KDM4B: variants seen among roughly 807,000 people sequenced by gnomAD.
KDM4B encodes lysine demethylase 4B, also known as lysine-specific demethylase 4B.
A neutral mutation model predicts 125.2 loss-of-function variants in KDM4B; 32 were observed. The ratio of observed to expected loss-of-function variants is 0.26; its 90% CI spans 0.19 to 0.34. KDM4B has a LOEUF of 0.34. KDM4B is among the 10% of genes least tolerant of loss of function. KDM4B has a pLI of 1.00. For synonymous variants in KDM4B, 721 were observed against 677.9 expected (o/e 1.06, Z -0.99); for missense variants, 1,190 against 1,577.7 (o/e 0.75, Z 4.16).
At chr19:5,089,925 A>G (rs566384456) in intron 9 of KDM4B, among the ~76,000 whole-genome samples, 6 of 152,280 alleles carry the variant, frequency 3.9e-5, no homozygotes, top group African/African-American at 1.4e-4. Flanking sequence ...TAATCCCAGC[A>G]TTTAGGGAGG....
At position 5,035,880 on chromosome 19, in the gene KDM4B, T is replaced by TGTGTGTGTGTGTGTGTGTGTGTGTGCGC. The variant is rs58219404; in HGVS notation, c.141+2850_141+2851insTGTGTGTGTGTGTGTGTGTGTGTGCGCG. Among the ~76,000 whole-genome samples, 39 of 136,492 alleles carry TGTGTGTGTGTGTGTGTGTGTGTGTGCGC rather than the reference T, an allele frequency of 2.9e-4. No homozygotes were observed. Among genetic ancestry groups the TGTGTGTGTGTGTGTGTGTGTGTGTGCGC allele is most frequent in the African/African-American group, 1.0e-3 (39 of 37,892 alleles). 89.5% of individuals were successfully genotyped at this position (136,492 alleles called of 152,430 possible). ...ACGTGTCTCTGTGTGTGTGTGTGTG[T>TGTGTGTGTGTGTGTGTGTGTGTGTGCGC]GCGCGCGCGCGCGCGCCTGCGCGCA... On this transcript the variant is annotated intron_variant, in intron 3 of 22. Coordinates refer to ENST00000159111, the MANE Select transcript of KDM4B (RefSeq NM_015015.3). This position sits in a 1 kb window ranked among gnomAD's most constrained non-coding sequence, Gnocchi z 5.3.
intron 11 of KDM4B, among the ~76,000 whole-genome samples, chr19:5,130,758 C>T (rs570912769): frequency 7.2e-5 from 11 of 152,338 alleles, no homozygotes; most frequent in African/African-American, 1.7e-4. Flanking sequence ...GGTTTGGTGA[C>T]GCGTCTCCTC....
At chr19:4,988,764 C>G (rs934861348) in intron 1 of KDM4B, among the ~76,000 whole-genome samples, 8 of 152,186 alleles carry the variant, frequency 5.3e-5, no homozygotes, top group African/African-American at 1.9e-4. Context: ...TCTCCAGGAA[C>G]CTCCACGCAT....
rs569216063 is a variant in KDM4B, at chr19:5,120,896, G to A, written c.1315+1044G>A. Among the ~76,000 whole-genome samples the A allele has an allele frequency of 2.7e-3, 411 of 152,280 alleles. 5 individuals carry two copies. Among genetic ancestry groups the A allele is most frequent in the Non-Finnish European group, 4.1e-3 (278 of 68,020 alleles). On this transcript the variant is annotated intron_variant, in intron 11 of 22. Transcript: ENST00000159111. ...GGCCCAGGTCATGGGGGCCACATTCGCCGGAGGGTCCTAGTCCTCAGTTTC... is the reference window on the plus strand; with the variant it reads ...GGCCCAGGTCATGGGGGCCACATTCACCGGAGGGTCCTAGTCCTCAGTTTC...
Position 5,082,624 on chromosome 19 carries a change from T to G in KDM4B, c.918+120T>G. 1 of 1,122,098 alleles carries G rather than the reference T, an allele frequency of 8.9e-7. No individual in the cohort carries two copies. Among genetic ancestry groups the G allele is most frequent in the Non-Finnish European group, 1.2e-6 (1 of 811,536 alleles). The allele number at this position is 1,122,098 out of a possible 1,614,324, so 69.5% of individuals were successfully genotyped here. A position where few individuals can be genotyped will look rare whatever the true frequency, so the allele number is the denominator to read the frequency against. ...GTTTCGCTCAGCCCAGGGCCTGGGC[T>G]CTCAACCAGGGTCTGATTCTGGGCT... On this transcript the variant is annotated intron_variant, in intron 9 of 22. Coordinates refer to ENST00000159111, the MANE Select transcript of KDM4B (RefSeq NM_015015.3). This position sits in a 1 kb window ranked among gnomAD's most constrained non-coding sequence, Gnocchi z 5.4.
intron 9 of KDM4B, among the ~76,000 whole-genome samples, chr19:5,098,724 C>T (rs564905605): frequency 6.6e-6 from 1 of 152,176 alleles, no homozygotes; most frequent in Admixed American, 6.5e-5. Flanking sequence ...GATCAGTGCC[C>T]TTATGAAAGA....
In KDM4B at chr19:5,144,810, C is replaced by G; in HGVS notation, c.2929C>G (p.Pro977Ala). The part of the protein sequence containing the change: ...TSRDCVQLGP[P>A]SEGELVELRW... ...TAGGGACTGTGTCCAGCTGGGACCCCCTTCCGAGGGGGAGCTGGTGGAGCT... is the reference window on the plus strand; with the variant it reads ...TAGGGACTGTGTCCAGCTGGGACCCGCTTCCGAGGGGGAGCTGGTGGAGCT... Residue 977 changes from proline to alanine, a missense_variant, in exon 21 of 23, where the codon CCT (proline) becomes GCT (alanine). This residue lies in a region of KDM4B where 298 missense variants were observed against 439.7 expected (regional missense o/e 0.68). Coordinates refer to ENST00000159111, the MANE Select transcript of KDM4B (RefSeq NM_015015.3). 6.2e-7 allele frequency: 1 copy of G among 1,613,474 alleles called. No homozygotes were observed. The highest frequency in any genetic ancestry group is 8.5e-7 in the Non-Finnish European group (1 of 1,179,918).
At chr19:5,051,167 G>T (rs2037211088) in intron 6 of KDM4B, among the ~76,000 whole-genome samples, 1 of 152,250 alleles carries the variant, frequency 6.6e-6, no homozygotes, top group Non-Finnish European at 1.5e-5. Context: ...TCCAGGCCGG[G>T]GTGGGAGGAT....
chr19:4,977,328 C>T (rs1241953708), intron 1 of KDM4B, among the ~76,000 whole-genome samples: 2 of 152,226 alleles, frequency 1.3e-5, no homozygotes, highest in Admixed American at 6.5e-5. Context: ...CTCAAGACCC[C>T]GAGGGCTCTC....
In KDM4B at chr19:5,041,082, G is replaced by T. The variant is rs1301633085; in HGVS notation, c.318-55G>T. ...CTGGGTTCCAGGTGGCTGAGGGTGGGCTGCGTAGCACCCAGGCCTCACCCT... is the reference window on the plus strand; with the variant it reads ...CTGGGTTCCAGGTGGCTGAGGGTGGTCTGCGTAGCACCCAGGCCTCACCCT... On this transcript the variant is annotated intron_variant, in intron 4 of 22. Coordinates refer to ENST00000159111, the MANE Select transcript of KDM4B (RefSeq NM_015015.3). 3 of 1,228,298 alleles carry T rather than the reference G, an allele frequency of 2.4e-6. No homozygotes were observed. In the African/African-American group the frequency reaches 4.5e-5, roughly 19 times the overall value. The allele number at this position is 1,228,298 out of a possible 1,614,324, so 76.1% of individuals were successfully genotyped here. A position where few individuals can be genotyped will look rare whatever the true frequency, so the allele number is the denominator to read the frequency against.
At chr19:5,063,478 G>T (rs1320138998) in intron 6 of KDM4B, among the ~76,000 whole-genome samples, 1 of 152,190 alleles carries the variant, frequency 6.6e-6, no homozygotes, top group Non-Finnish European at 1.5e-5. Flanking sequence ...AGGTCATCGG[G>T]CAGGATTCAT....
At position 5,107,568 on chromosome 19, in the gene KDM4B, C is replaced by T. The variant is rs1299383515; in HGVS notation, c.919-3054C>T. 5.3e-5 allele frequency among the ~76,000 whole-genome samples: 8 copies of T among 152,224 alleles called. No homozygotes were observed. The East Asian group carries it at 5.8e-4, about 11-fold the overall frequency. ...GAGGACTCTGTGGTGAGGCTCCCTC[C>T]GGCCTGCTCTGAACCCTTCCCAGCT... On this transcript the variant is annotated intron_variant, in intron 9 of 22. Coordinates refer to ENST00000159111, the MANE Select transcript of KDM4B (RefSeq NM_015015.3).
At position 5,103,959 on chromosome 19, in the gene KDM4B, G is replaced by A. The variant is rs190336867; in HGVS notation, c.919-6663G>A. Reference sequence around the variant, plus strand: ...GCCAGCCACCTTCTGAGTAGCTTCCGAGCTCCTGAGGCTTGGCCACCCGCA... The same window carrying A: ...GCCAGCCACCTTCTGAGTAGCTTCCAAGCTCCTGAGGCTTGGCCACCCGCA... On this transcript the variant is annotated intron_variant, in intron 9 of 22. Coordinates refer to ENST00000159111, the MANE Select transcript of KDM4B (RefSeq NM_015015.3). Among the ~76,000 whole-genome samples the A allele has an allele frequency of 1.1e-4, 16 of 152,322 alleles. No homozygotes were observed. The East Asian group carries it at 2.9e-3, about 28-fold the overall frequency.
chr19:5,027,535 CTCT>C, intron 2 of KDM4B, among the ~76,000 whole-genome samples: 1 of 151,212 alleles, frequency 6.6e-6, no homozygotes, highest in African/African-American at 2.4e-5. Context: ...TTTCTTCTCT[CTCT>C]TTTCAGTTTT....
At chr19:5,074,271 G>A (rs1312398488) in intron 7 of KDM4B, 1 of 152,392 alleles carries the variant, frequency 6.6e-6, no homozygotes, top group Non-Finnish European at 1.5e-5. Context: ...CTCCCCTCTG[G>A]AAGGCAGCTG....
chr19:5,006,963 C>T (rs1047029962), intron 1 of KDM4B, among the ~76,000 whole-genome samples: 11 of 152,062 alleles, frequency 7.2e-5, no homozygotes, highest in Admixed American at 1.3e-4. Context: ...GACACCAGAG[C>T]GGGCCCCAGC....
At chr19:5,077,208 T>C (rs2038144423) in intron 7 of KDM4B, 159 bp from the exon 8 acceptor site, 12 of 667,480 alleles carry the variant, frequency 1.8e-5, no homozygotes, top group South Asian at 1.6e-4. Context: ...CTGCAGGCAC[T>C]GGGGCCCTGA....
intron 1 of KDM4B, among the ~76,000 whole-genome samples, chr19:4,973,025 G>C (rs2034314959): frequency 6.6e-6 from 1 of 152,136 alleles, no homozygotes; most frequent in African/African-American, 2.4e-5. Context: ...TGCCCCCAGG[G>C]GTGGCACTTC....
At position 5,119,864 on chromosome 19, in the gene KDM4B, C is replaced by T. The variant is rs768863444; in HGVS notation, c.1315+12C>T. The T allele has an allele frequency of 2.0e-5, 31 of 1,544,382 alleles. No individual in the cohort carries two copies. Among genetic ancestry groups the T allele is most frequent in the Middle Eastern group, 2.2e-4 (1 of 4,476 alleles). ...CGAGGGCGCAGAAGGTCAGTCCCTG[C>T]CGGGCCAGGCCTGGCACCGCTGTTT... On this transcript the variant is annotated intron_variant, in intron 11 of 22. Coordinates refer to ENST00000159111, the MANE Select transcript of KDM4B (RefSeq NM_015015.3).
Sources: allele counts gnomAD v4.1 joint callset (sites outside exome capture counted in the v4.1 genomes callset), GRCh38; gene constraint gnomAD v4.1.1; regional missense constraint gnomAD v4.1.1; non-coding constraint Gnocchi (gnomAD v3.1); transcripts MANE v1.5; gene names NCBI Gene and HGNC (gene_info 2026-07-23, HGNC 2026-07-21).